NRXN3: variants seen among roughly 807,000 people sequenced by gnomAD.
NRXN3 encodes the protein neurexin III.
NRXN3 carries 32 observed loss-of-function variants against 137.6 expected under a neutral mutation model. The ratio of observed to expected loss-of-function variants is 0.23; its 90% CI spans 0.18 to 0.31. The LOEUF (loss-of-function observed/expected upper bound fraction) is 0.31. Among genes scored for constraint, NRXN3 ranks in the 10% least tolerant of loss-of-function variants. The pLI, the probability that NRXN3 is intolerant of heterozygous loss-of-function variation, is 1.00. For synonymous variants in NRXN3, 798 were observed against 784.5 expected (o/e 1.02, Z -0.29); for missense variants, 1,574 against 2,062.5 (o/e 0.76, Z 4.59).
Position 78,957,328 on chromosome 14 carries a change from C to T in NRXN3, c.2362C>T (p.Leu788Phe), listed in dbSNP as rs1290891540. The T allele has an allele frequency of 1.9e-6, 3 of 1,614,078 alleles. No individual in the cohort carries two copies. Among genetic ancestry groups the T allele is most frequent in the African/African-American group, 1.3e-5 (1 of 75,028 alleles). ...TVRVVRRGKS[L>F]KLTVDDDVAE... The stretch of plus-strand genomic sequence containing the variant: ...TCGGGTGGTGCGGAGAGGAAAAAGC[C>T]TTAAGTTAACCGTGGATGATGATGT... The change falls in exon 11 of 21, where the codon CTT becomes TTT. Residue 788 changes from leucine (L) to phenylalanine (F), a missense_variant. Physicochemically the swap from Leu to Phe is conservative, Grantham distance 22. This residue lies in a region of NRXN3 where 718 missense variants were observed against 887.6 expected (regional missense o/e 0.81). Transcript: ENST00000335750.
chr14:78,776,148 A>G (rs1050381219), intron 8 of NRXN3, among the ~76,000 whole-genome samples: 2 of 152,246 alleles, frequency 1.3e-5, no homozygotes, highest in African/African-American at 4.8e-5. Flanking sequence ...ACATAGTTAT[A>G]TGGCATTATA....
chr14:78,320,518 T>G (rs1333577031), intron 4 of NRXN3, among the ~76,000 whole-genome samples: 1 of 152,116 alleles, frequency 6.6e-6, no homozygotes, highest in Non-Finnish European at 1.5e-5. Context: ...AAATAAACCC[T>G]TTACCTTGTT....
chr14:79,740,767 T>TAAAA (rs1555679789), intron 19 of NRXN3, among the ~76,000 whole-genome samples: 3 of 110,382 alleles, frequency 2.7e-5, no homozygotes, highest in African/African-American at 1.1e-4. Flanking sequence ...TATATATATA[T>TAAAA]AACCTTACTT....
At chr14:78,650,547 G>T (rs891742860) in intron 5 of NRXN3, among the ~76,000 whole-genome samples, 12 of 151,922 alleles carry the variant, frequency 7.9e-5, no homozygotes, top group African/African-American at 1.9e-4. Flanking sequence ...GGTAGGGATT[G>T]GTGTCCTGGG....
Position 78,943,643 on chromosome 14 carries a change from T to A in NRXN3, c.2276-13599T>A, listed in dbSNP as rs868242210. ...AAAAATATATATATATATATATATA[T>A]ATATATATATATATATATATATATA... On this transcript the variant is annotated intron_variant, in intron 10 of 20. Coordinates refer to ENST00000335750, the MANE Select transcript of NRXN3 (RefSeq NM_001330195.2). 1.4e-3 allele frequency among the ~76,000 whole-genome samples: 65 copies of A among 46,926 alleles called. 3 individuals carry two copies. Among genetic ancestry groups the A allele is most frequent in the African/African-American group, 9.4e-3 (50 of 5,304 alleles). 30.8% of individuals were successfully genotyped at this position (46,926 alleles called of 152,430 possible). A position where few individuals can be genotyped will look rare whatever the true frequency, so the allele number is the denominator to read the frequency against.
intron 15 of NRXN3, among the ~76,000 whole-genome samples, chr14:79,403,927 C>A (rs2095259628): frequency 6.6e-6 from 1 of 152,090 alleles, no homozygotes; most frequent in African/African-American, 2.4e-5. Context: ...CGATTTTATT[C>A]AAATCTTAAC....
At chr14:78,894,898 CT>C (rs936797616) in intron 10 of NRXN3, among the ~76,000 whole-genome samples, 4 of 146,864 alleles carry the variant, frequency 2.7e-5, no homozygotes, top group African/African-American at 5.0e-5. Flanking sequence ...AAAAAAAAAT[CT>C]TTTTTTTTTC....
At position 79,103,977 on chromosome 14, in the gene NRXN3, C is replaced by T. The variant is rs78945486; in HGVS notation, c.3262+115836C>T. Reference sequence around the variant, plus strand: ...GTTCATATGTGTACACATGTGCACACATATGAATAGATTCATGTGTACACA... The same window carrying T: ...GTTCATATGTGTACACATGTGCACATATATGAATAGATTCATGTGTACACA... On this transcript the variant is annotated intron_variant, in intron 15 of 20. Transcript: ENST00000335750. 2.9e-3 allele frequency among the ~76,000 whole-genome samples: 434 copies of T among 152,280 alleles called. 7 individuals carry two copies. The highest frequency in any genetic ancestry group is 0.017 in the East Asian group (90 of 5,156).
rs571053615 is a variant in NRXN3, at chr14:79,322,522, TATTA to T, written c.3263-144695_3263-144692del. On this transcript the variant is annotated intron_variant, in intron 15 of 20. Coordinates refer to ENST00000335750, the MANE Select transcript of NRXN3 (RefSeq NM_001330195.2). The stretch of plus-strand genomic sequence containing the variant: ...TTTGAGAGAACCTATGGCATGAAGT[TATTA>T]ATTTTTTTCTAGATGGCAAAACTGA... 3.3e-3 allele frequency among the ~76,000 whole-genome samples: 496 copies of T among 152,340 alleles called. 4 individuals carry two copies. Among genetic ancestry groups the T allele is most frequent in the African/African-American group, 0.011 (438 of 41,576 alleles).
At chr14:79,855,912 A>G (rs1452987346) in intron 20 of NRXN3, among the ~76,000 whole-genome samples, 1 of 152,212 alleles carries the variant, frequency 6.6e-6, no homozygotes, top group Non-Finnish European at 1.5e-5. Flanking sequence ...TCCTAGCACT[A>G]GTAGGAACTC....
Position 79,320,103 on chromosome 14 carries a change from A to C in NRXN3, c.3263-147118A>C, listed in dbSNP as rs1036489143. Among the ~76,000 whole-genome samples, 4 of 152,342 alleles carry C rather than the reference A, an allele frequency of 2.6e-5. No homozygotes were observed. The South Asian group carries it at 8.3e-4, about 32-fold the overall frequency. ...ACAAAAAATTCAGATTAAAATATAAAGTTCATGTCTTTGGCAAGTACACAC... is the reference window on the plus strand; with the variant it reads ...ACAAAAAATTCAGATTAAAATATAACGTTCATGTCTTTGGCAAGTACACAC... On this transcript the variant is annotated intron_variant, in intron 15 of 20. Coordinates refer to ENST00000335750, the MANE Select transcript of NRXN3 (RefSeq NM_001330195.2).
At chr14:79,652,733 G>T (rs2098483035) in intron 16 of NRXN3, among the ~76,000 whole-genome samples, 1 of 151,990 alleles carries the variant, frequency 6.6e-6, no homozygotes, top group Admixed American at 6.6e-5. Flanking sequence ...CATCAGGACT[G>T]AGGGAAAGCA....
intron 6 of NRXN3, among the ~76,000 whole-genome samples, chr14:78,694,156 C>CT (rs1430280905): frequency 6.6e-6 from 1 of 152,032 alleles, no homozygotes; most frequent in East Asian, 1.9e-4. Context: ...TTGGAAATAT[C>CT]TTTTTAGAAA....
At position 78,801,690 on chromosome 14, in the gene NRXN3, AGTTT is replaced by A. The variant is rs548875592; in HGVS notation, c.2045-1926_2045-1923del. Among the ~76,000 whole-genome samples the A allele has an allele frequency of 1.1e-4, 16 of 152,288 alleles. 1 individual carries two copies. Among genetic ancestry groups the A allele is most frequent in the African/African-American group, 1.4e-4 (6 of 41,562 alleles). The stretch of plus-strand genomic sequence containing the variant: ...ATCAGATGTTTCTGTTAAATTGAAT[AGTTT>A]GTTATAATCTGAGCATCCTCCTTCT... On this transcript the variant is annotated intron_variant, in intron 8 of 20. Transcript: ENST00000335750.
At chr14:78,810,557 C>G (rs1157931910) in intron 10 of NRXN3, among the ~76,000 whole-genome samples, 1 of 151,796 alleles carries the variant, frequency 6.6e-6, no homozygotes, top group African/African-American at 2.4e-5. Flanking sequence ...GAGGGCAGGT[C>G]CTCTCTTCTT....
At chr14:78,752,638 TTAAG>T (rs1287124882) in intron 8 of NRXN3, among the ~76,000 whole-genome samples, 2 of 152,064 alleles carry the variant, frequency 1.3e-5, no homozygotes, top group African/African-American at 4.8e-5. Context: ...AAGTGAGATT[TTAAG>T]TAAGAAAAAG....
At chr14:79,207,652 C>T (rs960685052) in intron 15 of NRXN3, among the ~76,000 whole-genome samples, 1 of 152,140 alleles carries the variant, frequency 6.6e-6, no homozygotes, top group Non-Finnish European at 1.5e-5. Flanking sequence ...TAACTCCTCT[C>T]TTTACTTCTT....
intron 4 of NRXN3, among the ~76,000 whole-genome samples, chr14:78,320,009 A>G (rs1311630833): frequency 6.6e-6 from 1 of 152,236 alleles, no homozygotes; most frequent in African/African-American, 2.4e-5. Context: ...TAGGAGGCTC[A>G]TATTTCACAA....
chr14:78,801,400 G>T (rs1209244136), intron 8 of NRXN3, among the ~76,000 whole-genome samples: 1 of 152,162 alleles, frequency 6.6e-6, no homozygotes, highest in African/African-American at 2.4e-5. Context: ...TGCATGGCTT[G>T]GGAGGCCTCA....
Sources: gnomAD v4.1 joint callset for allele counts (sites outside exome capture counted in the v4.1 genomes callset) on GRCh38, gnomAD v4.1.1 for gene constraint, gnomAD v4.1.1 regional missense constraint, MANE v1.5 for transcripts, NCBI Gene and HGNC (gene_info 2026-07-23, HGNC 2026-07-21) for gene names.